Variants in TBC1D19 observed in about 807,000 individuals in gnomAD.
The protein encoded by TBC1D19 is TBC1 domain family, member 19.
In TBC1D19, 60 loss-of-function variants were observed where a neutral mutation model predicts 89.0. The ratio of observed to expected loss-of-function variants is 0.67; its 90% CI spans 0.55 to 0.84. The LOEUF (loss-of-function observed/expected upper bound fraction) is 0.84, where lower values mean the gene tolerates loss of function less well. Ranked by LOEUF, TBC1D19 falls within the 40% of genes least tolerant of loss-of-function variation. TBC1D19 has a pLI of 0.00. For missense variants in TBC1D19, 500 were observed against 610.8 expected (o/e 0.82, Z 1.91); for synonymous variants, 189 against 199.7 (o/e 0.95, Z 0.45).
chr4:26,666,770 G>A (rs1711850329), intron 9 of TBC1D19, among the ~76,000 whole-genome samples: 2 of 151,704 alleles, frequency 1.3e-5, no homozygotes, highest in Non-Finnish European at 2.9e-5. Context: ...GTCAACTTAG[G>A]CTTTAAAAAT....
the TBC1D19 span, among the ~76,000 whole-genome samples, chr4:26,835,877 T>C: frequency 5.3e-5 from 8 of 152,256 alleles, no homozygotes; most frequent in East Asian, 1.5e-3. Context: ...TTTTCTTCCC[T>C]AGCCATTATC....
In TBC1D19 at chr4:26,705,749, T is replaced by C. The variant is rs916855666; in HGVS notation, c.955-12184T>C. Among the ~76,000 whole-genome samples, 6 of 152,336 alleles carry C rather than the reference T, an allele frequency of 3.9e-5. No homozygotes were observed. In the South Asian group the frequency reaches 1.2e-3, roughly 32 times the overall value. ...AGAAATAGGAATCTTCCAGATATGTTCTTCTTTTTTCAACATTGTTTTGGC... is the reference window on the plus strand; with the variant it reads ...AGAAATAGGAATCTTCCAGATATGTCCTTCTTTTTTCAACATTGTTTTGGC... On this transcript the variant is annotated intron_variant, in intron 13 of 20. Coordinates refer to ENST00000264866, the MANE Select transcript of TBC1D19 (RefSeq NM_018317.4).
At chr4:26,813,589 C>T in the TBC1D19 span, among the ~76,000 whole-genome samples, 6 of 152,170 alleles carry the variant, frequency 3.9e-5, no homozygotes, top group Middle Eastern at 3.4e-3. Context: ...CAAAATATTA[C>T]GAATTTTAGA....
rs907658506 is a variant in TBC1D19 at position 26,755,552 on chromosome 4, C to T, written c.*605C>T. On this transcript the variant is annotated 3_prime_UTR_variant, in exon 21 of 21. Coordinates refer to ENST00000264866, the MANE Select transcript of TBC1D19 (RefSeq NM_018317.4). Reference sequence around the variant, plus strand: ...TTTAAACATCTCTACTGGGGAAGGTCGAATACAATTGTCTCCATTTGACAA... The same window carrying T: ...TTTAAACATCTCTACTGGGGAAGGTTGAATACAATTGTCTCCATTTGACAA... 6.6e-6 allele frequency among the ~76,000 whole-genome samples: 1 copy of T among 152,100 alleles called. No individual in the cohort carries two copies. Among genetic ancestry groups the T allele is most frequent in the African/African-American group, 2.4e-5 (1 of 41,428 alleles).
the TBC1D19 span, among the ~76,000 whole-genome samples, chr4:26,770,593 A>G: frequency 1.6e-4 from 25 of 152,190 alleles, no homozygotes; most frequent in Admixed American, 1.5e-3. Context: ...ATAACAGAAG[A>G]ACAACATTAT....
intron 18 of TBC1D19, among the ~76,000 whole-genome samples, chr4:26,744,321 A>G (rs530297371): frequency 6.6e-6 from 1 of 151,732 alleles, no homozygotes; most frequent in East Asian, 1.9e-4. Context: ...CTTTGAAAGA[A>G]TCAGTTTTTT....
chr4:26,725,637 ACC>A (rs1469163869), intron 15 of TBC1D19, among the ~76,000 whole-genome samples: 1 of 151,864 alleles, frequency 6.6e-6, no homozygotes, highest in African/African-American at 2.4e-5. Flanking sequence ...AGTCTTGAAC[ACC>A]TGGTCTCAAG....
chr4:26,701,584 T>C (rs1715337347), intron 13 of TBC1D19, among the ~76,000 whole-genome samples: 1 of 152,200 alleles, frequency 6.6e-6, no homozygotes, highest in Non-Finnish European at 1.5e-5. Flanking sequence ...GGAAGCTTTC[T>C]TCTTTTATCT....
chr4:26,733,018 A>C (rs1423790028), intron 15 of TBC1D19, among the ~76,000 whole-genome samples: 1 of 152,180 alleles, frequency 6.6e-6, no homozygotes, highest in African/African-American at 2.4e-5. Flanking sequence ...ATAGAGAGGA[A>C]TAAGAAAATT....
intron 11 of TBC1D19, among the ~76,000 whole-genome samples, chr4:26,677,468 G>A (rs946243661): frequency 4.7e-4 from 71 of 151,936 alleles, no homozygotes; most frequent in African/African-American, 1.4e-3. Flanking sequence ...ACAGGTGCCC[G>A]CCACTACACC....
At chr4:26,662,686 C>T (rs1412030850) in intron 8 of TBC1D19, among the ~76,000 whole-genome samples, 1 of 152,122 alleles carries the variant, frequency 6.6e-6, no homozygotes, top group Non-Finnish European at 1.5e-5. Flanking sequence ...TGTCAGGAAT[C>T]AGTGTGGCAT....
intron 13 of TBC1D19, among the ~76,000 whole-genome samples, chr4:26,694,222 C>CTTA (rs1714555731): frequency 1.3e-5 from 2 of 152,126 alleles, no homozygotes; most frequent in African/African-American, 4.8e-5. Flanking sequence ...TTCCAAAGGT[C>CTTA]TTAGCAAACG....
chr4:26,584,721 C>G (rs2109928232), intron 1 of TBC1D19, among the ~76,000 whole-genome samples: 1 of 152,298 alleles, frequency 6.6e-6, no homozygotes, highest in Non-Finnish European at 1.5e-5. Context: ...AAGTACCTTT[C>G]TGCTTTCTCG....
At chr4:26,767,523 C>G in the TBC1D19 span, among the ~76,000 whole-genome samples, 4 of 152,178 alleles carry the variant, frequency 2.6e-5, no homozygotes, top group African/African-American at 9.6e-5. Context: ...GTAGAGCCAC[C>G]ATGATGGAAC....
the TBC1D19 span, among the ~76,000 whole-genome samples, chr4:26,770,413 G>A: frequency 6.6e-6 from 1 of 152,052 alleles, no homozygotes; most frequent in African/African-American, 2.4e-5. Context: ...AAAACTGATA[G>A]AATTGCAAGG....
chr4:26,603,782 A>G lies in TBC1D19; in HGVS notation c.100-9387A>G, dbSNP rs1378061638. 4.6e-5 allele frequency among the ~76,000 whole-genome samples: 7 copies of G among 152,260 alleles called. 1 individual carries two copies. Reference sequence around the variant, plus strand: ...GAGTTTTTTACTGTTATATTAAAATAAAGTGAACAAATTTTTGTGGTAAAA... The same window carrying G: ...GAGTTTTTTACTGTTATATTAAAATGAAGTGAACAAATTTTTGTGGTAAAA... On this transcript the variant is annotated intron_variant, in intron 1 of 20. Coordinates refer to ENST00000264866, the MANE Select transcript of TBC1D19 (RefSeq NM_018317.4).
At chr4:26,832,259 G>A in the TBC1D19 span, among the ~76,000 whole-genome samples, 1 of 152,118 alleles carries the variant, frequency 6.6e-6, no homozygotes. Context: ...TTTGCCCTAA[G>A]GCCTCACTCT....
the TBC1D19 span, among the ~76,000 whole-genome samples, chr4:26,761,529 A>G: frequency 9.2e-5 from 14 of 152,268 alleles, no homozygotes; most frequent in South Asian, 2.1e-4. Flanking sequence ...GTAAAATACA[A>G]TTGATATTTT....
chr4:26,844,511 G>C, the TBC1D19 span, among the ~76,000 whole-genome samples: 2 of 152,170 alleles, frequency 1.3e-5, no homozygotes, highest in Non-Finnish European at 2.9e-5. Flanking sequence ...CTGTGTTATA[G>C]AATGCTCTGT....
Sources: allele counts gnomAD v4.1 joint callset (sites outside exome capture counted in the v4.1 genomes callset), GRCh38; gene constraint gnomAD v4.1.1; transcripts MANE v1.5; gene names NCBI Gene and HGNC (gene_info 2026-07-23, HGNC 2026-07-21).